The following GAD1 variants were observed in gnomAD, a reference collection of about 807,000 sequenced individuals.
GAD1 encodes the protein glutamate decarboxylase 1.
GAD1 carries 35 observed loss-of-function variants against 75.2 expected under a neutral mutation model. The ratio of observed to expected loss-of-function variants is 0.47; its 90% CI spans 0.36 to 0.62. GAD1 has a LOEUF of 0.62. GAD1 is among the 20% of genes least tolerant of loss of function. GAD1 has a pLI of 0.00. For missense variants in GAD1, 490 were observed against 758.5 expected (o/e 0.65, Z 4.16); for synonymous variants, 257 against 271.9 (o/e 0.95, Z 0.54).
chr2:170,836,967 T>G, intron 6 of GAD1, 84 bp downstream of exon 6: 1 of 954,344 alleles, frequency 1.0e-6, no homozygotes, highest in Non-Finnish European at 1.7e-6. Flanking sequence ...AGTGGTTCTA[T>G]TTTATTAAAG....
intron 6 of GAD1, among the ~76,000 whole-genome samples, chr2:170,840,986 T>C (rs2105793586): frequency 6.6e-6 from 1 of 152,288 alleles, no homozygotes; most frequent in Admixed American, 6.5e-5. Context: ...GTTGAACCAC[T>C]GCAAAAGGGC....
At chr2:170,826,122 A>G (rs1702019862) in intron 3 of GAD1, among the ~76,000 whole-genome samples, 1 of 152,210 alleles carries the variant, frequency 6.6e-6, no homozygotes, top group Non-Finnish European at 1.5e-5. Flanking sequence ...AATATATATT[A>G]TATGTTTATA....
chr2:170,831,294 C>A, intron 5 of GAD1, 102 bp downstream of exon 5: 1 of 1,349,008 alleles, frequency 7.4e-7, no homozygotes, highest in Non-Finnish European at 1.1e-6. Context: ...AAAAACACAG[C>A]CCTGGTGAGA....
intron 10 of GAD1, 87 bp from the exon 11 acceptor site, chr2:170,847,589 A>C: frequency 1.1e-6 from 1 of 922,198 alleles, no homozygotes; most frequent in Non-Finnish European, 1.8e-6. Context: ...GTTAGAAATA[A>C]ATGTTACACA....
intron 4 of GAD1, 64 bp from the exon 5 acceptor site, chr2:170,830,886 C>T: frequency 1.2e-6 from 2 of 1,607,718 alleles, no homozygotes; most frequent in Non-Finnish European, 1.7e-6. Flanking sequence ...TATTAGGGGT[C>T]TCTGGGCTGA....
chr2:170,841,011 A>G (rs1702504755), intron 6 of GAD1, among the ~76,000 whole-genome samples: 1 of 152,120 alleles, frequency 6.6e-6, no homozygotes, highest in Non-Finnish European at 1.5e-5. Context: ...TCACTTCCCT[A>G]CTCGGAATAT....
intron 16 of GAD1, 84 bp from the exon 17 acceptor site, chr2:170,859,625 G>A: frequency 1.5e-6 from 2 of 1,374,646 alleles, no homozygotes; most frequent in Non-Finnish European, 2.0e-6. Context: ...AACACAAATA[G>A]TAAAATGCAA....
chr2:170,842,737 A>T, intron 6 of GAD1: 1 of 1,572,964 alleles, frequency 6.4e-7, no homozygotes, highest in South Asian at 1.2e-5. Flanking sequence ...TCTTTTTGGA[A>T]ATAAAATACT....
chr2:170,829,258 T>C, intron 3 of GAD1: 1 of 590,120 alleles, frequency 1.7e-6, no homozygotes, highest in Non-Finnish European at 3.0e-6. Context: ...TTTTCTCTCT[T>C]GCATGACTGG....
chr2:170,829,028 C>A, intron 3 of GAD1: 1 of 295,138 alleles, frequency 3.4e-6, no homozygotes. Context: ...CCTCACCCTC[C>A]TCCCTCAGCT....
chr2:170,831,431 G>A (rs185832425), intron 5 of GAD1, among the ~76,000 whole-genome samples: 1 of 152,090 alleles, frequency 6.6e-6, no homozygotes, highest in African/African-American at 2.4e-5. Context: ...AGATATAAAT[G>A]CTTGGTGCTA....
At chr2:170,829,748 AC>A in intron 4 of GAD1, 115 bp downstream of exon 4, 1 of 1,206,722 alleles carries the variant, frequency 8.3e-7, no homozygotes, top group Non-Finnish European at 1.2e-6. Flanking sequence ...TTCTCTCTGA[AC>A]CCACATGAAA....
At position 170,818,807 on chromosome 2, in the gene GAD1, G is replaced by GA. The variant is rs1460711677; in HGVS notation, c.82+135dup. On this transcript the variant is annotated intron_variant, in intron 2 of 16. Transcript: ENST00000358196. This position sits in a 1 kb window ranked among gnomAD's most constrained non-coding sequence, Gnocchi z 5.9. The stretch of plus-strand genomic sequence containing the variant: ...GAGGCTGGGAAATAAATGGGGCTCT[G>GA]ACCCCGTCCCTGCCAGAGGTCATTC... The GA allele has an allele frequency of 3.5e-6, 3 of 854,476 alleles. No homozygotes were observed. The African/African-American group carries it at 5.0e-5, about 14-fold the overall frequency. The allele number at this position is 854,476 out of a possible 1,614,324, so 52.9% of individuals were successfully genotyped here. A position where few individuals can be genotyped will look rare whatever the true frequency, so the allele number is the denominator to read the frequency against.
intron 14 of GAD1, among the ~76,000 whole-genome samples, chr2:170,855,346 T>A (rs553528735): frequency 1.3e-5 from 2 of 151,808 alleles, no homozygotes; most frequent in East Asian, 3.9e-4. Context: ...GTAGCTGAGA[T>A]TACAGGCATG....
intron 6 of GAD1, chr2:170,842,527 C>G: frequency 6.3e-7 from 1 of 1,586,436 alleles, no homozygotes; most frequent in Non-Finnish European, 8.7e-7. Context: ...CTTGGCAGCA[C>G]AGGCTAAACC....
chr2:170,830,374 T>C (rs568213636), intron 4 of GAD1, among the ~76,000 whole-genome samples: 1 of 152,364 alleles, frequency 6.6e-6, no homozygotes, highest in East Asian at 1.9e-4. Flanking sequence ...AAGTCACCTC[T>C]GGATATCTCA....
chr2:170,852,995 C>G, intron 13 of GAD1: 2 of 650,318 alleles, frequency 3.1e-6, no homozygotes, highest in South Asian at 3.5e-5. Flanking sequence ...TGTGCTTCTT[C>G]TTTGATCAGT....
intron 6 of GAD1, among the ~76,000 whole-genome samples, chr2:170,837,899 G>A (rs558000604): frequency 5.3e-5 from 8 of 152,268 alleles, no homozygotes; most frequent in Non-Finnish European, 5.9e-5. Flanking sequence ...AAGATAGAAC[G>A]TAAATTACTG....
At chr2:170,852,843 C>A in intron 13 of GAD1, 51 bp downstream of exon 13, 1 of 1,486,410 alleles carries the variant, frequency 6.7e-7, no homozygotes, top group Non-Finnish European at 9.4e-7. Flanking sequence ...CTTTAGAAAG[C>A]ACAAAAAGAC....
Sources: gnomAD v4.1 joint callset for allele counts (sites outside exome capture counted in the v4.1 genomes callset) on GRCh38, gnomAD v4.1.1 for gene constraint, Gnocchi (gnomAD v3.1) non-coding constraint, MANE v1.5 for transcripts, NCBI Gene and HGNC (gene_info 2026-07-23, HGNC 2026-07-21) for gene names.